The following AGGF1 variants were observed in gnomAD, a reference collection of about 807,000 sequenced individuals.
The protein encoded by AGGF1 is angiogenic factor with G patch and FHA domains 1.
AGGF1 carries 56 observed loss-of-function variants against 86.5 expected under a neutral mutation model. The observed-to-expected ratio is 0.65, with a 90% CI of 0.52 to 0.81. AGGF1 has a LOEUF of 0.81. AGGF1 is among the 30% of genes least tolerant of loss of function. The probability of loss-of-function intolerance (pLI) is 0.00; values close to 1 mark genes in which losing one functional copy is unlikely to be tolerated. For missense variants in AGGF1, 816 were observed against 850.9 expected, an observed-to-expected ratio of 0.96 and a Z score of 0.51; for synonymous variants, 313 against 297.1, an observed-to-expected ratio of 1.05 and a Z score of -0.55.
chr5:77,033,638 G>C (rs1746911658), intron 1 of AGGF1, among the ~76,000 whole-genome samples: 1 of 152,174 alleles, frequency 6.6e-6, no homozygotes. Context: ...ATTAGCAACA[G>C]ATCAGTTTTA....
At chr5:77,047,041 A>G (rs1160933166) in intron 6 of AGGF1, among the ~76,000 whole-genome samples, 2 of 152,220 alleles carry the variant, frequency 1.3e-5, no homozygotes, top group Non-Finnish European at 2.9e-5. Flanking sequence ...AAAAGTATAC[A>G]TTATGAATTC....
At chr5:77,042,030 C>G (rs1192263935) in intron 5 of AGGF1, among the ~76,000 whole-genome samples, 2 of 151,122 alleles carry the variant, frequency 1.3e-5, no homozygotes, top group African/African-American at 4.9e-5. Flanking sequence ...GAGCATGCTG[C>G]CTTCAAGCAT....
intron 11 of AGGF1, 132 bp downstream of exon 11, chr5:77,055,728 A>C (rs1747446028): frequency 1.5e-6 from 1 of 645,660 alleles, no homozygotes; most frequent in African/African-American, 1.8e-5. Flanking sequence ...GTATTAGTTT[A>C]CTGTTCTGGT....
chr5:77,039,616 T>A lies in AGGF1; in HGVS notation c.767T>A (p.Val256Glu), dbSNP rs777147584. Reference sequence around the variant, plus strand: ...GGTCGTTATCAGTTTCATTCTCGAGTAGATTTGCAACCTTATCCGACTTCT... The same window carrying A: ...GGTCGTTATCAGTTTCATTCTCGAGAAGATTTGCAACCTTATCCGACTTCT... The part of the protein sequence containing the change: ...ESGRYQFHSR[V>E]DLQPYPTSST... Residue 256 changes from valine to glutamate, a missense_variant, in exon 5 of 14, where the codon GTA becomes GAA. By Grantham distance (121) the Val-to-Glu change is moderately radical. Around this residue, in one of 3 missense-constraint regions of AGGF1, gnomAD observed 565 missense variants for 585.8 expected, o/e 0.96. Coordinates refer to ENST00000312916, the MANE Select transcript of AGGF1 (RefSeq NM_018046.5). 5.6e-6 allele frequency: 9 copies of A among 1,613,056 alleles called. No individual in the cohort carries two copies. Among genetic ancestry groups the A allele is most frequent in the Non-Finnish European group, 7.6e-6 (9 of 1,179,364 alleles).
At position 77,048,248 on chromosome 5, in the gene AGGF1, C is replaced by A; in HGVS notation, c.1289C>A (p.Ala430Asp). 6.2e-7 allele frequency: 1 copy of A among 1,610,102 alleles called. No individual in the cohort carries two copies. ...ATAGGATCACTCTTTATCATTACTG[C>A]TGTAAACCCTGCTACAATTGGAAGG... ...LQIGSLFIITAVNPATIGREK... is the reference protein window; with the variant it reads ...LQIGSLFIITDVNPATIGREK... Residue 430 changes from alanine to aspartate, a missense_variant, in exon 7 of 14, where the codon GCT becomes GAT. Coordinates refer to ENST00000312916, the MANE Select transcript of AGGF1 (RefSeq NM_018046.5).
intron 8 of AGGF1, among the ~76,000 whole-genome samples, chr5:77,049,412 TCTC>T (rs1427503239): frequency 6.6e-6 from 1 of 152,144 alleles, no homozygotes; most frequent in Non-Finnish European, 1.5e-5. Flanking sequence ...GTTTAAAACT[TCTC>T]CTAATTGAGC....
At chr5:77,034,698 A>G (rs1160690347) in intron 2 of AGGF1, among the ~76,000 whole-genome samples, 178 bp downstream of exon 2, 1 of 152,236 alleles carries the variant, frequency 6.6e-6, no homozygotes, top group Non-Finnish European at 1.5e-5. Context: ...TCTGGAGGAA[A>G]AAGTAGAAAT....
chr5:77,030,534 T>G lies in AGGF1; in HGVS notation c.-233T>G. 1.4e-6 allele frequency: 1 copy of G among 691,086 alleles called. No homozygotes were observed. The highest frequency in any genetic ancestry group is 2.6e-6 in the Non-Finnish European group (1 of 378,880). The allele number at this position is 691,086 out of a possible 1,614,324, so 42.8% of individuals were successfully genotyped here. ...TAGTTTCCAGGAAAGTTTTCCGGTTTGCAGGCCGCGCACATCGGGCAGGGG... is the reference window on the plus strand; with the variant it reads ...TAGTTTCCAGGAAAGTTTTCCGGTTGGCAGGCCGCGCACATCGGGCAGGGG... On this transcript the variant is annotated 5_prime_UTR_variant, in exon 1 of 14. Coordinates refer to ENST00000312916, the MANE Select transcript of AGGF1 (RefSeq NM_018046.5).
chr5:77,048,879 G>A lies in AGGF1; in HGVS notation c.1314-57G>A. ...ATCTGTTTTTTAAAATTCTTTCCAT[G>A]TCACTTTATATAATATGCTTCAAAA... On this transcript the variant is annotated intron_variant, in intron 7 of 13. Coordinates refer to ENST00000312916, the MANE Select transcript of AGGF1 (RefSeq NM_018046.5). 3.3e-6 allele frequency: 5 copies of A among 1,511,410 alleles called. No homozygotes were observed. In the Admixed American group the frequency reaches 8.4e-5, roughly 25 times the overall value. The allele number at this position is 1,511,410 out of a possible 1,614,324, so 93.6% of individuals were successfully genotyped here.
intron 8 of AGGF1, among the ~76,000 whole-genome samples, chr5:77,051,423 A>T (rs908506951): frequency 7.1e-6 from 1 of 139,942 alleles, no homozygotes. Flanking sequence ...ACAGAGCGAG[A>T]TTCCATCTCA....
chr5:77,056,200 T>C (rs998548624), intron 11 of AGGF1, among the ~76,000 whole-genome samples: 1 of 150,370 alleles, frequency 6.7e-6, no homozygotes, highest in Non-Finnish European at 1.5e-5. Flanking sequence ...AAAGGTGTGA[T>C]GGCAGTTTGG....
chr5:77,055,634 AT>A, intron 11 of AGGF1, 38 bp downstream of exon 11: 1 of 1,435,092 alleles, frequency 7.0e-7, no homozygotes, highest in Non-Finnish European at 9.8e-7. Context: ...GTTAAGCTGT[AT>A]ATCTGGTTTT....
At chr5:77,052,123 C>T (rs200269501) in intron 8 of AGGF1, among the ~76,000 whole-genome samples, 2 of 151,996 alleles carry the variant, frequency 1.3e-5, no homozygotes, top group Non-Finnish European at 2.9e-5. Context: ...GAGGCTGAGG[C>T]GGGAGGATCA....
chr5:77,059,548 G>T lies in AGGF1; in HGVS notation c.1717-68G>T, dbSNP rs1057127796. ...CATTGAATCATATTCGTTAAGTAAG[G>T]CACATGTACAGAAATTGTTTTATTT... On this transcript the variant is annotated intron_variant, in intron 11 of 13. Transcript: ENST00000312916. 5 of 1,364,594 alleles carry T rather than the reference G, an allele frequency of 3.7e-6. No homozygotes were observed. In the African/African-American group the frequency reaches 7.2e-5, roughly 20 times the overall value. The allele number at this position is 1,364,594 out of a possible 1,614,324, so 84.5% of individuals were successfully genotyped here.
At position 77,063,684 on chromosome 5, in the gene AGGF1, C is replaced by A; in HGVS notation, c.*432C>A. The A allele has an allele frequency of 5.9e-6, 1 of 168,480 alleles. No individual in the cohort carries two copies. The highest frequency in any genetic ancestry group is 1.3e-5 in the Non-Finnish European group (1 of 77,970). 10.4% of individuals were successfully genotyped at this position (168,480 alleles called of 1,614,324 possible). On this transcript the variant is annotated 3_prime_UTR_variant, in exon 14 of 14. Coordinates refer to ENST00000312916, the MANE Select transcript of AGGF1 (RefSeq NM_018046.5). ...GACTATATGCATCCTCATTTATTCCCTTTAGAACCTAGGTAAAAAATGTTG... is the reference window on the plus strand; with the variant it reads ...GACTATATGCATCCTCATTTATTCCATTTAGAACCTAGGTAAAAAATGTTG...
intron 5 of AGGF1, among the ~76,000 whole-genome samples, chr5:77,039,921 T>C (rs1747038590): frequency 6.6e-6 from 1 of 152,052 alleles, no homozygotes; most frequent in African/African-American, 2.4e-5. Context: ...TCTTAAAATT[T>C]GAAGGAGATA....
chr5:77,058,525 A>G (rs757281566), intron 11 of AGGF1, among the ~76,000 whole-genome samples: 2 of 152,236 alleles, frequency 1.3e-5, no homozygotes, highest in Non-Finnish European at 2.9e-5. Context: ...GGGGGAAAAT[A>G]GAAGACATTT....
chr5:77,061,164 T>C (rs913149772), intron 12 of AGGF1, among the ~76,000 whole-genome samples: 2 of 152,222 alleles, frequency 1.3e-5, no homozygotes, highest in African/African-American at 4.8e-5. Context: ...TACACATTTC[T>C]TGGACAAGAA....
Position 77,063,307 on chromosome 5 carries a change from T to A in AGGF1, c.*55T>A, listed in dbSNP as rs1355656290. The A allele has an allele frequency of 1.2e-5, 18 of 1,512,580 alleles. No homozygotes were observed. The highest frequency in any genetic ancestry group is 1.6e-5 in the Non-Finnish European group (18 of 1,103,796). 93.7% of individuals were successfully genotyped at this position (1,512,580 alleles called of 1,614,324 possible). Reference sequence around the variant, plus strand: ...TTTTTTAAAAATAGAATTTGGAAACTTATTTTTTCTCCCCAAAAGAATCAG... The same window carrying A: ...TTTTTTAAAAATAGAATTTGGAAACATATTTTTTCTCCCCAAAAGAATCAG... On this transcript the variant is annotated 3_prime_UTR_variant, in exon 14 of 14. Transcript: ENST00000312916.
Sources: gnomAD v4.1 joint callset for allele counts (sites outside exome capture counted in the v4.1 genomes callset) on GRCh38, gnomAD v4.1.1 for gene constraint, gnomAD v4.1.1 regional missense constraint, MANE v1.5 for transcripts, NCBI Gene and HGNC (gene_info 2026-07-23, HGNC 2026-07-21) for gene names.